SPHKAP: variants seen among roughly 807,000 people sequenced by gnomAD.
SPHKAP encodes SPHK1 interactor, AKAP domain containing, also known as A-kinase anchor protein SPHKAP.
SPHKAP carries 67 observed loss-of-function variants against 137.5 expected under a neutral mutation model. That is an observed-to-expected ratio of 0.49 (90% CI 0.40 to 0.60). The LOEUF is 0.60. Among genes scored for constraint, SPHKAP ranks in the 20% least tolerant of loss-of-function variants. The probability of loss-of-function intolerance (pLI) is 0.00; values close to 1 mark genes in which losing one functional copy is unlikely to be tolerated. For missense variants in SPHKAP, 2,097 were observed against 2,069.3 expected (o/e 1.01, Z -0.26); for synonymous variants, 813 against 785.3 (o/e 1.04, Z -0.59).
Position 227,993,526 on chromosome 2 carries a change from CTACT to C in SPHKAP, c.4721+4_4721+7del, listed in dbSNP as rs1289194484. Reference sequence around the variant, plus strand: ...TCTCACAATCACTGCATCTCAGTGGCTACTTACTTAATCATGGGAGAAGATGGCA... The same window carrying C: ...TCTCACAATCACTGCATCTCAGTGGCTACTTAATCATGGGAGAAGATGGCA... On this transcript the variant is annotated splice_donor_5th_base_variant and intron_variant, in intron 9 of 11. Transcript: ENST00000392056. 2 of 1,594,652 alleles carry C rather than the reference CTACT, an allele frequency of 1.3e-6. No individual in the cohort carries two copies. Among genetic ancestry groups the C allele is most frequent in the Admixed American group, 1.7e-5 (1 of 57,424 alleles).
chr2:228,100,595 G>A (rs1698156985), intron 3 of SPHKAP, among the ~76,000 whole-genome samples: 1 of 149,440 alleles, frequency 6.7e-6, no homozygotes, highest in African/African-American at 2.5e-5. Context: ...CATCTATTGA[G>A]ATGATAGTAT....
chr2:228,170,711 T>C (rs11685283), intron 1 of SPHKAP, among the ~76,000 whole-genome samples: 52,089 of 152,038 alleles, frequency 0.34, 10,286 homozygotes, highest in South Asian at 0.54. Flanking sequence ...TGCTATAAAG[T>C]ACACATAACT....
At chr2:228,070,289 TGAG>T (rs1696964444) in intron 3 of SPHKAP, among the ~76,000 whole-genome samples, 1 of 152,062 alleles carries the variant, frequency 6.6e-6, no homozygotes, top group Non-Finnish European at 1.5e-5. Flanking sequence ...TCGAATATGC[TGAG>T]GAGGAGGAGG....
chr2:228,119,473 T>A (rs12999658), intron 2 of SPHKAP, among the ~76,000 whole-genome samples: 75,132 of 138,978 alleles, frequency 0.54, 20,801 homozygotes, highest in East Asian at 0.68. Flanking sequence ...ACACACACAC[T>A]CTCTCTCTCT....
At chr2:228,012,694 G>C (rs1302648377) in intron 7 of SPHKAP, among the ~76,000 whole-genome samples, 1 of 152,164 alleles carries the variant, frequency 6.6e-6, no homozygotes, top group African/African-American at 2.4e-5. Context: ...CTGCTTGTCA[G>C]AATAAGCACT....
chr2:228,000,432 C>T (rs2106176832), intron 7 of SPHKAP, among the ~76,000 whole-genome samples: 1 of 152,222 alleles, frequency 6.6e-6, no homozygotes, highest in African/African-American at 2.4e-5. Context: ...TCGTGGCTAA[C>T]ATGGTGAAAC....
At chr2:228,026,821 G>A (rs1695058938) in intron 4 of SPHKAP, among the ~76,000 whole-genome samples, 1 of 152,194 alleles carries the variant, frequency 6.6e-6, no homozygotes, top group Admixed American at 6.5e-5. Flanking sequence ...CAGTAACCGA[G>A]TAATTGCAGG....
At chr2:228,145,995 C>T (rs552996559) in intron 1 of SPHKAP, among the ~76,000 whole-genome samples, 71 of 152,300 alleles carry the variant, frequency 4.7e-4, no homozygotes, top group African/African-American at 1.6e-3. Flanking sequence ...GGATAACAAA[C>T]ATCCCAGACA....
intron 1 of SPHKAP, among the ~76,000 whole-genome samples, chr2:228,143,134 A>G (rs1699656257): frequency 6.6e-6 from 1 of 152,238 alleles, no homozygotes; most frequent in Non-Finnish European, 1.5e-5. Context: ...AGACATGAAG[A>G]TGATGCCCCT....
intron 3 of SPHKAP, among the ~76,000 whole-genome samples, chr2:228,066,989 T>G (rs977802072): frequency 3.3e-5 from 5 of 152,244 alleles, no homozygotes; most frequent in African/African-American, 1.2e-4. Context: ...CTCCTTAATG[T>G]AAAACAGATC....
intron 2 of SPHKAP, among the ~76,000 whole-genome samples, chr2:228,130,923 C>T (rs1472700744): frequency 6.6e-6 from 1 of 152,004 alleles, no homozygotes; most frequent in Non-Finnish European, 1.5e-5. Context: ...AGTTTTTTCA[C>T]ATTTGGTTAT....
At chr2:228,092,233 A>G (rs771090208) in intron 3 of SPHKAP, among the ~76,000 whole-genome samples, 4 of 146,384 alleles carry the variant, frequency 2.7e-5, no homozygotes, top group Non-Finnish European at 4.5e-5. Context: ...ATATACACAC[A>G]TGTATACACA....
chr2:228,155,682 A>G (rs1367645717), intron 1 of SPHKAP, among the ~76,000 whole-genome samples: 1 of 152,220 alleles, frequency 6.6e-6, no homozygotes, highest in Admixed American at 6.5e-5. Context: ...AAACTGAATT[A>G]AGAGCAAAAA....
rs199721799 is a variant in SPHKAP, at chr2:228,021,689, G to A, written c.697+22C>T. ...TTTATACGGGGACTAATTTCAGGAG[G>A]CACTAATTGGAAAGTTCTCACCGTT... On this transcript the variant is annotated intron_variant, in intron 6 of 11. Transcript: ENST00000392056. 5.0e-5 allele frequency: 79 copies of A among 1,567,760 alleles called. No individual in the cohort carries two copies. In the East Asian group the frequency reaches 1.4e-3, roughly 28 times the overall value.
chr2:227,986,277 C>T (rs1181098207), intron 11 of SPHKAP, among the ~76,000 whole-genome samples: 1 of 152,002 alleles, frequency 6.6e-6, no homozygotes, highest in Non-Finnish European at 1.5e-5. Flanking sequence ...AAGTCAATAC[C>T]ATCAAATTGG....
At chr2:228,006,495 T>C (rs1239573851) in intron 7 of SPHKAP, among the ~76,000 whole-genome samples, 1 of 152,198 alleles carries the variant, frequency 6.6e-6, no homozygotes, top group African/African-American at 2.4e-5. Context: ...ACTTCCTCCT[T>C]TAGCTCGGAG....
At position 228,132,198 on chromosome 2, in the gene SPHKAP, C is replaced by T. The variant is rs549593870; in HGVS notation, c.33-113G>A. On this transcript the variant is annotated intron_variant, in intron 1 of 11. Transcript: ENST00000392056. ...ATCAAAAATCATCTTTTTCAGATTG[C>T]ATTAAACACTGCAAATCCCCCTGCT... 4.5e-6 allele frequency: 4 copies of T among 885,092 alleles called. 1 individual carries two copies. The South Asian group carries it at 5.9e-5, about 13-fold the overall frequency. 54.8% of individuals were successfully genotyped at this position (885,092 alleles called of 1,614,324 possible).
At chr2:228,074,279 A>C (rs556475780) in intron 3 of SPHKAP, among the ~76,000 whole-genome samples, 1 of 152,354 alleles carries the variant, frequency 6.6e-6, no homozygotes, top group East Asian at 1.9e-4. Context: ...CATGATCTGT[A>C]CTTTACATTA....
rs975493437 is a variant in SPHKAP, at chr2:228,149,954, G to A, written c.33-17869C>T. ...CATTTTTGCTTTACTGCTTTGGCTA[G>A]GACCTTCAGGAAATGTTGAATAGAG... On this transcript the variant is annotated intron_variant, in intron 1 of 11. Coordinates refer to ENST00000392056, the MANE Select transcript of SPHKAP (RefSeq NM_001142644.2). 3.3e-5 allele frequency among the ~76,000 whole-genome samples: 5 copies of A among 152,104 alleles called. No individual in the cohort carries two copies. In the East Asian group the frequency reaches 7.7e-4, roughly 24 times the overall value.
Sources: gnomAD v4.1 joint callset for allele counts (sites outside exome capture counted in the v4.1 genomes callset) on GRCh38, gnomAD v4.1.1 for gene constraint, MANE v1.5 for transcripts, NCBI Gene and HGNC (gene_info 2026-07-23, HGNC 2026-07-21) for gene names.